The following UBR3 variants were observed in gnomAD, a reference collection of about 807,000 sequenced individuals.
UBR3 encodes the protein E3 ubiquitin-protein ligase UBR3.
A neutral mutation model predicts 243.2 loss-of-function variants in UBR3; 85 were observed. That is an observed-to-expected ratio of 0.35 (90% CI 0.29 to 0.42). UBR3 has a LOEUF of 0.42. UBR3 is among the 10% of genes least tolerant of loss of function. UBR3 has a pLI of 1.00. For synonymous variants in UBR3, 748 were observed against 799.8 expected (o/e 0.94, Z 1.09); for missense variants, 1,686 against 2,300.8 (o/e 0.73, Z 5.47).
intron 30 of UBR3, among the ~76,000 whole-genome samples, chr2:170,018,368 T>C (rs1451750177): frequency 1.3e-5 from 2 of 152,218 alleles, no homozygotes; most frequent in East Asian, 1.9e-4. Flanking sequence ...TTCCCCTTGC[T>C]CTTGCTATGA....
chr2:169,928,408 T>TA (rs1419515866), intron 17 of UBR3, among the ~76,000 whole-genome samples: 1 of 152,148 alleles, frequency 6.6e-6, no homozygotes, highest in Non-Finnish European at 1.5e-5. Context: ...TACAAAATGG[T>TA]AAAAATGAAG....
intron 20 of UBR3, among the ~76,000 whole-genome samples, chr2:169,945,960 C>G (rs1313512965): frequency 6.6e-6 from 1 of 152,138 alleles, no homozygotes; most frequent in Non-Finnish European, 1.5e-5. Context: ...ATTTATTGTG[C>G]TGCCAGTTAT....
chr2:169,974,480 C>A (rs947959855), intron 24 of UBR3, among the ~76,000 whole-genome samples: 1 of 152,042 alleles, frequency 6.6e-6, no homozygotes, highest in Non-Finnish European at 1.5e-5. Flanking sequence ...TCTCTAATGA[C>A]CCTTTGTATT....
chr2:169,905,010 G>A (rs999145928), intron 8 of UBR3, 104 bp from the exon 9 acceptor site: 6 of 973,956 alleles, frequency 6.2e-6, no homozygotes, highest in Non-Finnish European at 8.2e-6. Context: ...GCTGGGGTTT[G>A]AATTTAGGTA....
intron 27 of UBR3, among the ~76,000 whole-genome samples, chr2:170,001,832 G>A (rs562406549): frequency 4.3e-5 from 6 of 138,282 alleles, no homozygotes; most frequent in Middle Eastern, 8.8e-3. Context: ...AGAATCACTT[G>A]ACTCTGTGAG....
chr2:169,952,732 A>G (rs1472879212), intron 23 of UBR3, among the ~76,000 whole-genome samples: 1 of 152,112 alleles, frequency 6.6e-6, no homozygotes, highest in African/African-American at 2.4e-5. Flanking sequence ...ATATTAATAT[A>G]TGCAAAAGCT....
Position 169,827,823 on chromosome 2 carries a change from G to A in UBR3, c.316G>A (p.Glu106Lys). 2 of 1,500,894 alleles carry A rather than the reference G, an allele frequency of 1.3e-6. No individual in the cohort carries two copies. The highest frequency in any genetic ancestry group is 1.2e-5 in the South Asian group (1 of 80,042). 93.0% of individuals were successfully genotyped at this position (1,500,894 alleles called of 1,614,324 possible). A position where few individuals can be genotyped will look rare whatever the true frequency, so the allele number is the denominator to read the frequency against. ...TCTGGCGGGCGGCGGCGGCTACGAC[G>A]AGTTCTGCGCGGCGGTGCGGGCCTA... ...CLLAGGGGYD[E>K]FCAAVRAYDP... The change falls in exon 1 of 39, where the codon GAG (glutamate) becomes AAG (lysine). Residue 106 changes from glutamate to lysine, a missense_variant. This residue lies in a region of UBR3 where 145 missense variants were observed against 243.8 expected (regional missense o/e 0.59). Transcript: ENST00000272793.
intron 1 of UBR3, among the ~76,000 whole-genome samples, chr2:169,871,933 A>G (rs2083452926): frequency 6.6e-6 from 1 of 152,098 alleles, no homozygotes; most frequent in African/African-American, 2.4e-5. Context: ...TGGAAGTCAT[A>G]AAGTGGTACC....
rs1362868436 is a variant in UBR3 at position 169,827,859 on chromosome 2, G to A, written c.352G>A (p.Ala118Thr). ...CAAVRAYDPA[A>T]LCGLVWTANF... ...GGCGGTGCGGGCCTACGATCCCGCG[G>A]CGCTCTGCGGCCTGGTCTGGACAGC... is the stretch of plus-strand genomic sequence containing the variant. The change falls in exon 1 of 39, where the codon GCG becomes ACG. Residue 118 changes from alanine (A) to threonine (T), a missense_variant. By Grantham distance (58) the Ala-to-Thr change is moderately conservative. This residue lies in a region of UBR3 where 145 missense variants were observed against 243.8 expected (regional missense o/e 0.59). Transcript: ENST00000272793. The A allele has an allele frequency of 1.3e-6, 2 of 1,504,942 alleles. No homozygotes were observed. Among genetic ancestry groups the A allele is most frequent in the Non-Finnish European group, 8.8e-7 (1 of 1,131,548 alleles). The allele number at this position is 1,504,942 out of a possible 1,614,324, so 93.2% of individuals were successfully genotyped here. A position where few individuals can be genotyped will look rare whatever the true frequency, so the allele number is the denominator to read the frequency against.
chr2:169,931,867 C>T (rs1040619779), intron 18 of UBR3, among the ~76,000 whole-genome samples: 1 of 151,960 alleles, frequency 6.6e-6, no homozygotes, highest in Non-Finnish European at 1.5e-5. Context: ...AAAATAATTA[C>T]ATAATTATTA....
At chr2:169,929,295 C>T (rs1464498910) in intron 18 of UBR3, among the ~76,000 whole-genome samples, 1 of 152,164 alleles carries the variant, frequency 6.6e-6, no homozygotes, top group Non-Finnish European at 1.5e-5. Flanking sequence ...TCTGTATAGG[C>T]CGGGTGTGGT....
intron 3 of UBR3, 131 bp downstream of exon 3, chr2:169,876,080 ACTT>A (rs747051802): frequency 1.7e-5 from 13 of 775,276 alleles, no homozygotes; most frequent in South Asian, 1.5e-4. Context: ...TATTAAGAGA[ACTT>A]CTTTTTTTTT....
chr2:169,876,464 GGAGTT>G (rs1191538250), intron 3 of UBR3, among the ~76,000 whole-genome samples: 2 of 152,122 alleles, frequency 1.3e-5, no homozygotes, highest in African/African-American at 2.4e-5. Context: ...AATTTATGTT[GGAGTT>G]GGTACTGGAA....
chr2:169,832,253 G>A (rs1295201031), intron 1 of UBR3, among the ~76,000 whole-genome samples: 2 of 152,162 alleles, frequency 1.3e-5, no homozygotes, highest in Non-Finnish European at 2.9e-5. Flanking sequence ...GAAATTGTGT[G>A]CTAATAACTG....
intron 31 of UBR3, among the ~76,000 whole-genome samples, chr2:170,037,404 T>C (rs2090861029): frequency 6.6e-6 from 1 of 152,160 alleles, no homozygotes; most frequent in Non-Finnish European, 1.5e-5. Context: ...AATTTTTTTT[T>C]TGAGACAGAG....
intron 29 of UBR3, among the ~76,000 whole-genome samples, chr2:170,013,619 G>A (rs915056065): frequency 6.6e-6 from 1 of 151,952 alleles, no homozygotes; most frequent in Non-Finnish European, 1.5e-5. Flanking sequence ...GAAATTCTTA[G>A]TAATATGTTT....
At chr2:169,890,581 G>GTATATATATATACGTATA (rs1207236594) in intron 5 of UBR3, among the ~76,000 whole-genome samples, 1 of 96,496 alleles carries the variant, frequency 1.0e-5, no homozygotes, top group African/African-American at 5.0e-5. Context: ...ATATATATAT[G>GTATATATATATACGTATA]TATATATATA....
At chr2:170,005,400 T>C (rs2089878237) in intron 27 of UBR3, among the ~76,000 whole-genome samples, 1 of 152,134 alleles carries the variant, frequency 6.6e-6, no homozygotes, top group African/African-American at 2.4e-5. Flanking sequence ...GAGTGCAGAA[T>C]TGGAGACGGC....
At chr2:169,907,263 A>G (rs2105334529) in intron 10 of UBR3, among the ~76,000 whole-genome samples, 1 of 151,964 alleles carries the variant, frequency 6.6e-6, no homozygotes, top group South Asian at 2.1e-4. Flanking sequence ...AATTTCTAAC[A>G]GGTCTGATTA....
Sources: gnomAD v4.1 joint callset for allele counts (sites outside exome capture counted in the v4.1 genomes callset) on GRCh38, gnomAD v4.1.1 for gene constraint, gnomAD v4.1.1 regional missense constraint, MANE v1.5 for transcripts, NCBI Gene and HGNC (gene_info 2026-07-23, HGNC 2026-07-21) for gene names.